The following HIF1AN variants were observed in gnomAD, a reference collection of about 807,000 sequenced individuals.
HIF1AN encodes hypoxia-inducible factor 1-alpha inhibitor.
Under a neutral mutation model 47.7 loss-of-function variants are expected in HIF1AN, and 21 were observed. The observed-to-expected ratio is 0.44, with a 90% CI of 0.31 to 0.63. The LOEUF (loss-of-function observed/expected upper bound fraction) is 0.63, where lower values mean the gene tolerates loss of function less well. Among genes scored for constraint, HIF1AN ranks in the 30% least tolerant of loss-of-function variants. The probability of loss-of-function intolerance (pLI) is 0.07; values close to 1 mark genes in which losing one functional copy is unlikely to be tolerated. For synonymous variants in HIF1AN, 152 were observed against 155.9 expected (o/e 0.98, Z 0.18); for missense variants, 320 against 432.7 (o/e 0.74, Z 2.31).
rs1324744120 is a variant in HIF1AN, at chr10:100,559,177, T to C, written c.*11040T>C. On this transcript the variant is annotated 3_prime_UTR_variant, in exon 8 of 8. Transcript: ENST00000299163. ...CTTAAGATTTCCTGTATTTATAAAC[T>C]TAATTTATTGGAAATATAAGTACTT... is the stretch of plus-strand genomic sequence containing the variant. The C allele has an allele frequency of 6.6e-6, 1 of 152,220 alleles. No individual in the cohort carries two copies. The highest frequency in any genetic ancestry group is 1.5e-5 in the Non-Finnish European group (1 of 68,030). 9.4% of individuals were successfully genotyped at this position (152,220 alleles called of 1,614,324 possible).
intron 5 of HIF1AN, 60 bp from the exon 6 acceptor site, chr10:100,546,458 G>GCC: frequency 2.5e-6 from 2 of 815,620 alleles, no homozygotes; most frequent in South Asian, 2.3e-5. Context: ...CCCGCACTTC[G>GCC]CCCCTCCGCC....
At chr10:100,545,892 T>C (rs769391290) in intron 4 of HIF1AN, 51 bp from the exon 5 acceptor site, 2 of 1,219,916 alleles carry the variant, frequency 1.6e-6, no homozygotes, top group Non-Finnish European at 2.4e-6. Context: ...GTAGTTTTAC[T>C]GGTGAAGATT....
chr10:100,547,780 A>T (rs893185408), intron 7 of HIF1AN, among the ~76,000 whole-genome samples: 1 of 152,180 alleles, frequency 6.6e-6, no homozygotes, highest in Non-Finnish European at 1.5e-5. Flanking sequence ...TTCTGGAGAA[A>T]CATATAGACA....
At chr10:100,540,525 C>A (rs1026495064) in intron 2 of HIF1AN, 109 bp from the exon 3 acceptor site, 271 of 1,231,192 alleles carry the variant, frequency 2.2e-4, no homozygotes, top group Non-Finnish European at 2.9e-4. Flanking sequence ...CATCTGTTCT[C>A]TGTGGGAGAT....
chr10:100,540,828 T>C lies in HIF1AN; in HGVS notation c.577+46T>C, dbSNP rs757295864. On this transcript the variant is annotated intron_variant, in intron 3 of 7. Coordinates refer to ENST00000299163, the MANE Select transcript of HIF1AN (RefSeq NM_017902.3). ...AGCATGGCTTGGAGTCATATGAACCTGATTTCTAATCCTGTCTTCACCGCT... is the reference window on the plus strand; with the variant it reads ...AGCATGGCTTGGAGTCATATGAACCCGATTTCTAATCCTGTCTTCACCGCT... 5 of 1,522,950 alleles carry C rather than the reference T, an allele frequency of 3.3e-6. No individual in the cohort carries two copies. The South Asian group carries it at 6.2e-5, about 19-fold the overall frequency. The allele number at this position is 1,522,950 out of a possible 1,614,324, so 94.3% of individuals were successfully genotyped here. A position where few individuals can be genotyped will look rare whatever the true frequency, so the allele number is the denominator to read the frequency against.
Position 100,536,656 on chromosome 10 carries a change from A to G in HIF1AN, c.423A>G (p.Glu141=). Residue 141 remains glutamate, a synonymous_variant, in exon 2 of 8, where the codon GAA becomes GAG. Coordinates refer to ENST00000299163, the MANE Select transcript of HIF1AN (RefSeq NM_017902.3). ...AGGATATACAGCAGCGAGGAGGGGAAGAGAGGTAAATTCCGAAAGCTTAAT... is the reference window on the plus strand; with the variant it reads ...AGGATATACAGCAGCGAGGAGGGGAGGAGAGGTAAATTCCGAAAGCTTAAT... The part of the protein sequence containing the change: ...KLQDIQQRGG[E]ERLYLQQTLN... 6.2e-7 allele frequency: 1 copy of G among 1,613,962 alleles called. No homozygotes were observed. Among genetic ancestry groups the G allele is most frequent in the Non-Finnish European group, 8.5e-7 (1 of 1,179,912 alleles).
chr10:100,536,202 G>A (rs1268751014), intron 1 of HIF1AN, 67 bp downstream of exon 1: 20 of 1,459,512 alleles, frequency 1.4e-5, no homozygotes, highest in Non-Finnish European at 1.5e-5. Flanking sequence ...AGAGGTGAAT[G>A]GTGAAAGAGA....
intron 2 of HIF1AN, among the ~76,000 whole-genome samples, chr10:100,537,649 C>T (rs902528020): frequency 2.0e-5 from 3 of 152,168 alleles, no homozygotes; most frequent in Non-Finnish European, 4.4e-5. Context: ...AGTATTCAGT[C>T]CCACACTATA....
At chr10:100,539,214 G>T (rs1326784843) in intron 2 of HIF1AN, among the ~76,000 whole-genome samples, 1 of 152,194 alleles carries the variant, frequency 6.6e-6, no homozygotes, top group Non-Finnish European at 1.5e-5. Flanking sequence ...TTACAGGCGT[G>T]AGACACCGCA....
chr10:100,553,887 C>T lies in HIF1AN; in HGVS notation c.*5750C>T, dbSNP rs1251960165. On this transcript the variant is annotated 3_prime_UTR_variant, in exon 8 of 8. Coordinates refer to ENST00000299163, the MANE Select transcript of HIF1AN (RefSeq NM_017902.3). ...AAGCTTTAGCACAGTGCCTGGCAAG[C>T]ACTTAATAAATGGCTGTGGTGGTGG... 1 of 152,180 alleles carries T rather than the reference C, an allele frequency of 6.6e-6. No individual in the cohort carries two copies. Among genetic ancestry groups the T allele is most frequent in the Non-Finnish European group, 1.5e-5 (1 of 68,046 alleles). 9.4% of individuals were successfully genotyped at this position (152,180 alleles called of 1,614,324 possible). A position where few individuals can be genotyped will look rare whatever the true frequency, so the allele number is the denominator to read the frequency against.
At position 100,557,291 on chromosome 10, in the gene HIF1AN, T is replaced by C. The variant is rs568320396; in HGVS notation, c.*9154T>C. On this transcript the variant is annotated 3_prime_UTR_variant, in exon 8 of 8. Coordinates refer to ENST00000299163, the MANE Select transcript of HIF1AN (RefSeq NM_017902.3). ...GGACTTTGCACAGGCTGGGTGCCTT[T>C]GGGGGTGTTCATCTCGCTATGCTTC... 6.6e-6 allele frequency: 1 copy of C among 152,358 alleles called. No individual in the cohort carries two copies. The highest frequency in any genetic ancestry group is 6.5e-5 in the Admixed American group (1 of 15,290). The allele number at this position is 152,358 out of a possible 1,614,324, so 9.4% of individuals were successfully genotyped here.
intron 3 of HIF1AN, among the ~76,000 whole-genome samples, chr10:100,542,637 G>A (rs1249752616): frequency 6.6e-6 from 1 of 152,116 alleles, no homozygotes; most frequent in Non-Finnish European, 1.5e-5. Context: ...TTACAGGCGT[G>A]AGCCACCGCG....
At chr10:100,541,113 G>T (rs1047874920) in intron 3 of HIF1AN, among the ~76,000 whole-genome samples, 47 of 152,250 alleles carry the variant, frequency 3.1e-4, no homozygotes, top group African/African-American at 1.1e-3. Flanking sequence ...CAGCTACTCG[G>T]GAGGCTGAGA....
intron 2 of HIF1AN, among the ~76,000 whole-genome samples, chr10:100,536,942 AG>A (rs1304652293): frequency 6.6e-6 from 1 of 152,206 alleles, no homozygotes; most frequent in Non-Finnish European, 1.5e-5. Context: ...ATAAAGAGTT[AG>A]TTGCCTAGAA....
chr10:100,536,088 C>T lies in HIF1AN; in HGVS notation c.130C>T (p.Arg44Cys). 6.2e-7 allele frequency: 1 copy of T among 1,610,682 alleles called. No homozygotes were observed. The highest frequency in any genetic ancestry group is 8.5e-7 in the Non-Finnish European group (1 of 1,178,578). Residue 44 changes from arginine (R) to cysteine (C), a missense_variant, in exon 1 of 8, where the codon CGT becomes TGT. Physicochemically the swap from Arg to Cys is radical, Grantham distance 180. Coordinates refer to ENST00000299163, the MANE Select transcript of HIF1AN (RefSeq NM_017902.3). ...TAGCTTCCCGACTAGGCCCATTCCG[C>T]GTCTGAGTCAGAGCGACCCCCGGGC... ...SYSFPTRPIP[R>C]LSQSDPRAEE... is the part of the protein sequence containing the mutation.
Position 100,540,614 on chromosome 10 carries a change from TTTC to T in HIF1AN, c.429-14_429-12del, listed in dbSNP as rs773886171. ...CTGTGTGTGCATGCACTAATAGGAT[TTTC>T]TTCTTGGGGAACATAGGTTGTATCT... On this transcript the variant is annotated splice_polypyrimidine_tract_variant and intron_variant, in intron 2 of 7. Coordinates refer to ENST00000299163, the MANE Select transcript of HIF1AN (RefSeq NM_017902.3). 4 of 1,613,238 alleles carry T rather than the reference TTTC, an allele frequency of 2.5e-6. No individual in the cohort carries two copies. The highest frequency in any genetic ancestry group is 3.4e-6 in the Non-Finnish European group (4 of 1,179,772).
chr10:100,535,977 G>T lies in HIF1AN; in HGVS notation c.19G>T (p.Glu7Ter). MAATAAEAVASGSGEPR... is the reference protein window; with the variant it reads MAATAA ...GGCGGAGATGGCGGCGACAGCGGCGGAGGCTGTGGCCTCTGGCTCTGGAGA... is the reference window on the plus strand; with the variant it reads ...GGCGGAGATGGCGGCGACAGCGGCGTAGGCTGTGGCCTCTGGCTCTGGAGA... Residue 7 changes from glutamate (E) to a stop codon, truncating the protein, a stop_gained, in exon 1 of 8, where the codon GAG (glutamate) becomes TAG (stop). Coordinates refer to ENST00000299163, the MANE Select transcript of HIF1AN (RefSeq NM_017902.3). LOFTEE classifies it high-confidence loss of function. 6.4e-7 allele frequency: 1 copy of T among 1,554,146 alleles called. No individual in the cohort carries two copies. The highest frequency in any genetic ancestry group is 1.2e-5 in the South Asian group (1 of 84,536).
chr10:100,551,221 A>G lies in HIF1AN; in HGVS notation c.*3084A>G, dbSNP rs1490961138. The G allele has an allele frequency of 1.3e-5, 2 of 152,224 alleles. No individual in the cohort carries two copies. Among genetic ancestry groups the G allele is most frequent in the African/African-American group, 4.8e-5 (2 of 41,448 alleles). The allele number at this position is 152,224 out of a possible 1,614,324, so 9.4% of individuals were successfully genotyped here. ...CTTCCCCTACAAATCAGAGCTCTAA[A>G]TTACAAGGTTTTTACCAACGTGAAC... On this transcript the variant is annotated 3_prime_UTR_variant, in exon 8 of 8. Transcript: ENST00000299163.
Position 100,548,343 on chromosome 10 carries a change from C to T in HIF1AN, c.*206C>T, listed in dbSNP as rs1257612284. ...TTGGAGGGACTTCATACCCTTGCCT[C>T]TTGTGCCCCAGCACCTTCTCTCTCT... is the stretch of plus-strand genomic sequence containing the variant. On this transcript the variant is annotated 3_prime_UTR_variant, in exon 8 of 8. Coordinates refer to ENST00000299163, the MANE Select transcript of HIF1AN (RefSeq NM_017902.3). 12 of 497,166 alleles carry T rather than the reference C, an allele frequency of 2.4e-5. No individual in the cohort carries two copies. The highest frequency in any genetic ancestry group is 3.9e-5 in the Non-Finnish European group (11 of 282,570). The allele number at this position is 497,166 out of a possible 1,614,324, so 30.8% of individuals were successfully genotyped here.
Sources: gnomAD v4.1 joint callset for allele counts (sites outside exome capture counted in the v4.1 genomes callset) on GRCh38, gnomAD v4.1.1 for gene constraint, MANE v1.5 for transcripts, NCBI Gene and HGNC (gene_info 2026-07-23, HGNC 2026-07-21) for gene names.